The following HMGB1 variants were observed in gnomAD, a reference collection of about 807,000 sequenced individuals.
HMGB1 encodes the protein high mobility group protein B1.
For synonymous variants in HMGB1, 81 were observed against 84.0 expected, an observed-to-expected ratio of 0.96 and a Z score of 0.19; for missense variants, 79 against 253.5, an observed-to-expected ratio of 0.31 and a Z score of 4.67.
At chr13:30,576,712 T>C (rs1870672022) in intron 1 of HMGB1, among the ~76,000 whole-genome samples, 1 of 151,938 alleles carries the variant, frequency 6.6e-6, no homozygotes, top group Admixed American at 6.6e-5. Context: ...TCCTGGAAGC[T>C]TTCCAAGTGC....
chr13:30,513,987 G>A (rs116797796), intron 1 of HMGB1, among the ~76,000 whole-genome samples: 1,998 of 152,150 alleles, frequency 0.013, 34 homozygotes, highest in African/African-American at 0.042. Context: ...GGCCTCAAGT[G>A]ATCCTCTCGC....
chr13:30,592,849 T>C (rs1299462938), intron 1 of HMGB1, among the ~76,000 whole-genome samples: 1 of 151,386 alleles, frequency 6.6e-6, no homozygotes, highest in Non-Finnish European at 1.5e-5. Flanking sequence ...AAACAGATAA[T>C]TTAAAATTTA....
At chr13:30,475,041 CTCTCT>C (rs1887049996) in intron 1 of HMGB1, among the ~76,000 whole-genome samples, 1 of 55,840 alleles carries the variant, frequency 1.8e-5, no homozygotes, top group Non-Finnish European at 3.1e-5. Flanking sequence ...CTCTCTCTCT[CTCTCT>C]TTTTTTTTTT....
chr13:30,497,419 T>C (rs1285374345), intron 1 of HMGB1, among the ~76,000 whole-genome samples: 2 of 147,850 alleles, frequency 1.4e-5, no homozygotes, highest in Admixed American at 1.4e-4. Flanking sequence ...TTAGTAGAGA[T>C]GGGATTTCAC....
upstream of HMGB1, among the ~76,000 whole-genome samples, chr13:30,468,587 A>C (rs553945771): frequency 1.4e-4 from 22 of 152,184 alleles, no homozygotes; most frequent in South Asian, 1.7e-3. Flanking sequence ...AACCTCAAAC[A>C]ATGCTAATCT....
At chr13:30,558,584 A>G (rs1054236817) in intron 1 of HMGB1, among the ~76,000 whole-genome samples, 3 of 152,206 alleles carry the variant, frequency 2.0e-5, no homozygotes, top group African/African-American at 7.2e-5. Flanking sequence ...CCGGGCTTTT[A>G]GCAATAATCC....
chr13:30,480,029 A>G (rs1467719), intron 1 of HMGB1, among the ~76,000 whole-genome samples: 48,834 of 152,026 alleles, frequency 0.32, 8,179 homozygotes, highest in East Asian at 0.53. Context: ...TCCCACCTTC[A>G]AGATTCTGGT....
rs1173205085 is a variant in HMGB1 at position 30,458,773 on chromosome 13, C to T, written c.*2584G>A. 1 of 152,150 alleles carries T rather than the reference C, an allele frequency of 6.6e-6. No homozygotes were observed. Among genetic ancestry groups the T allele is most frequent in the East Asian group, 1.9e-4 (1 of 5,200 alleles). 9.4% of individuals were successfully genotyped at this position (152,150 alleles called of 1,614,324 possible). A position where few individuals can be genotyped will look rare whatever the true frequency, so the allele number is the denominator to read the frequency against. On this transcript the variant is annotated 3_prime_UTR_variant, in exon 5 of 5. Coordinates refer to ENST00000341423, the MANE Select transcript of HMGB1 (RefSeq NM_002128.7). ...TCTTTATCATTTAATCATTACCCCT[C>T]GGGTACACAGGACACACAAATTTCA... is the stretch of plus-strand genomic sequence containing the variant.
At chr13:30,557,767 CT>C (rs888495374) in intron 1 of HMGB1, among the ~76,000 whole-genome samples, 1 of 152,214 alleles carries the variant, frequency 6.6e-6, no homozygotes, top group African/African-American at 2.4e-5. Flanking sequence ...TCTTTTTAGT[CT>C]TTGACTGAAT....
At chr13:30,564,948 T>A (rs1182067810) in intron 1 of HMGB1, among the ~76,000 whole-genome samples, 1 of 152,128 alleles carries the variant, frequency 6.6e-6, no homozygotes, top group East Asian at 1.9e-4. Flanking sequence ...AGAACCATGG[T>A]CTCCTAATGC....
chr13:30,514,377 T>G (rs1383600829), intron 1 of HMGB1, among the ~76,000 whole-genome samples: 1 of 144,596 alleles, frequency 6.9e-6, no homozygotes, highest in Non-Finnish European at 1.5e-5. Context: ...TTTTAAGAGA[T>G]AGGGTCTCAC....
rs186407570 is a variant in HMGB1 at position 30,588,379 on chromosome 13, T to C, written c.-15+28292A>G. Among the ~76,000 whole-genome samples the C allele has an allele frequency of 6.9e-3, 1,053 of 152,264 alleles. 7 individuals carry two copies. Among genetic ancestry groups the C allele is most frequent in the Non-Finnish European group, 9.3e-3 (634 of 68,022 alleles). ...GGCTGGATCCCAAAGGATAGGCAGG[T>C]GGATCATGTAGAACAGGGGAAAGGA... On this transcript the variant is annotated intron_variant, in intron 1 of 4. Transcript: ENST00000405805.
intron 1 of HMGB1, chr13:30,465,141 C>G (rs1224216841): frequency 1.0e-6 from 1 of 970,692 alleles, no homozygotes; most frequent in Non-Finnish European, 1.2e-6. Flanking sequence ...AGCGCCGGGC[C>G]CGAGTCAGCC....
At chr13:30,562,994 G>A (rs1870026742) in intron 1 of HMGB1, among the ~76,000 whole-genome samples, 1 of 152,224 alleles carries the variant, frequency 6.6e-6, no homozygotes, top group Admixed American at 6.5e-5. Context: ...GGTCTGCGAT[G>A]TATGTTCTAC....
chr13:30,569,380 T>A (rs1207616812), intron 1 of HMGB1, among the ~76,000 whole-genome samples: 1 of 152,226 alleles, frequency 6.6e-6, no homozygotes, highest in Non-Finnish European at 1.5e-5. Context: ...AAGTGAATTT[T>A]TGTGGGCTAA....
intron 1 of HMGB1, chr13:30,539,951 A>T (rs1868786685): frequency 6.3e-6 from 1 of 158,968 alleles, no homozygotes; most frequent in Non-Finnish European, 1.4e-5. Context: ...AGGACTTCTC[A>T]GCAGCCATGT....
At chr13:30,596,645 C>A (rs1871622981) in intron 1 of HMGB1, among the ~76,000 whole-genome samples, 1 of 152,252 alleles carries the variant, frequency 6.6e-6, no homozygotes, top group Non-Finnish European at 1.5e-5. Context: ...ACATTCTCTA[C>A]AACTTTACTA....
chr13:30,484,323 A>T (rs947841577), intron 1 of HMGB1, among the ~76,000 whole-genome samples: 13 of 152,166 alleles, frequency 8.5e-5, no homozygotes, highest in Admixed American at 8.5e-4. Flanking sequence ...GAGCCACTCA[A>T]TTCATAATTA....
intron 1 of HMGB1, among the ~76,000 whole-genome samples, chr13:30,471,957 C>T (rs547508351): frequency 7.6e-4 from 115 of 151,784 alleles, no homozygotes; most frequent in African/African-American, 2.3e-3. Flanking sequence ...CGTGAGCCAC[C>T]GCGGCTGGCC....
Sources: allele counts gnomAD v4.1 joint callset (sites outside exome capture counted in the v4.1 genomes callset), GRCh38; gene constraint gnomAD v4.1.1; transcripts MANE v1.5; gene names NCBI Gene and HGNC (gene_info 2026-07-23, HGNC 2026-07-21).